Variants in PIK3C2B observed in about 807,000 individuals in gnomAD.
PIK3C2B encodes the protein phosphatidylinositol-4-phosphate 3-kinase catalytic subunit type 2 beta.
In PIK3C2B, 83 loss-of-function variants were observed where a neutral mutation model predicts 184.3. The ratio of observed to expected loss-of-function variants is 0.45; its 90% CI spans 0.38 to 0.54. The LOEUF (loss-of-function observed/expected upper bound fraction) is 0.54. Among genes scored for constraint, PIK3C2B ranks in the 20% least tolerant of loss-of-function variants. The pLI, the probability that PIK3C2B is intolerant of heterozygous loss-of-function variation, is 0.00. For synonymous variants in PIK3C2B, 779 were observed against 837.6 expected, an observed-to-expected ratio of 0.93 and a Z score of 1.21; for missense variants, 1,736 against 2,113.5, an observed-to-expected ratio of 0.82 and a Z score of 3.50.
chr1:204,489,147 T>TTTA (rs562004701), intron 1 of PIK3C2B, among the ~76,000 whole-genome samples: 6 of 151,910 alleles, frequency 3.9e-5, no homozygotes, highest in Non-Finnish European at 8.8e-5. Context: ...GTACAAGCTC[T>TTTA]TTATTATTAT....
chr1:204,449,366 A>G lies in PIK3C2B; in HGVS notation c.2235-70T>C, dbSNP rs1384875372. On this transcript the variant is annotated intron_variant, in intron 13 of 32. Transcript: ENST00000684373. ...AGAGAATATTTCTACTGCTCCCCCA[A>G]TCCAAAAATCTGCCTTTTCTGTTTG... The G allele has an allele frequency of 9.5e-6, 11 of 1,153,994 alleles. No homozygotes were observed. The East Asian group carries it at 2.0e-4, about 21-fold the overall frequency. 71.5% of individuals were successfully genotyped at this position (1,153,994 alleles called of 1,614,324 possible). A position where few individuals can be genotyped will look rare whatever the true frequency, so the allele number is the denominator to read the frequency against.
chr1:204,476,461 G>C (rs983141831), intron 1 of PIK3C2B, among the ~76,000 whole-genome samples: 1 of 152,182 alleles, frequency 6.6e-6, no homozygotes, highest in Non-Finnish European at 1.5e-5. Context: ...TGGATGGATC[G>C]TTTGGACCTG....
intron 6 of PIK3C2B, 42 bp from the exon 7 acceptor site, chr1:204,460,445 A>C (rs1326587707): frequency 6.4e-7 from 1 of 1,564,188 alleles, no homozygotes; most frequent in Admixed American, 1.7e-5. Flanking sequence ...CGGTGCCCTT[A>C]TCTCAGCTCA....
rs983321544 is a variant in PIK3C2B at position 204,482,118 on chromosome 1, G to C, written c.-84-12232C>G. Among the ~76,000 whole-genome samples the C allele has an allele frequency of 2.1e-4, 5 of 24,342 alleles. 1 individual carries two copies. Among genetic ancestry groups the C allele is most frequent in the South Asian group, 2.0e-3 (1 of 510 alleles). 16.0% of individuals were successfully genotyped at this position (24,342 alleles called of 152,430 possible). On this transcript the variant is annotated intron_variant, in intron 1 of 32. Transcript: ENST00000684373. ...ATGAGCCATGAAAAGACGGGGGGGG[G>C]GGGGGGGGTGCTCTCTAATGTTAGG...
In PIK3C2B at chr1:204,424,569, A is replaced by G. The variant is rs1447080044; in HGVS notation, c.*283T>C. ...CCCACCCCACACACTCCCCAAACCA[A>G]GCATTGCTCCCTTGACACAAGGTAA... On this transcript the variant is annotated 3_prime_UTR_variant, in exon 33 of 33. Transcript: ENST00000684373. The G allele has an allele frequency of 3.4e-6, 2 of 584,676 alleles. No individual in the cohort carries two copies. The highest frequency in any genetic ancestry group is 6.5e-6 in the Non-Finnish European group (2 of 306,606). The allele number at this position is 584,676 out of a possible 1,614,324, so 36.2% of individuals were successfully genotyped here.
At position 204,442,515 on chromosome 1, in the gene PIK3C2B, C is replaced by T. The variant is rs1000581974; in HGVS notation, c.3156+11G>A. On this transcript the variant is annotated intron_variant, in intron 20 of 32. Transcript: ENST00000684373. ...CCCACTCTGAGAGCCCCAAACCTAC[C>T]AGTCACTCACCCTGGGCACAATTCC... 1 of 1,535,016 alleles carries T rather than the reference C, an allele frequency of 6.5e-7. No homozygotes were observed. Among genetic ancestry groups the T allele is most frequent in the Non-Finnish European group, 8.8e-7 (1 of 1,131,694 alleles).
intron 1 of PIK3C2B, among the ~76,000 whole-genome samples, chr1:204,483,418 C>T (rs1169739291): frequency 6.6e-6 from 1 of 151,150 alleles, no homozygotes; most frequent in Non-Finnish European, 1.5e-5. Flanking sequence ...TCTTCAGAAG[C>T]CTTCCCTGGT....
intron 1 of PIK3C2B, among the ~76,000 whole-genome samples, chr1:204,471,707 T>C (rs1411277021): frequency 2.0e-5 from 3 of 152,018 alleles, no homozygotes; most frequent in Non-Finnish European, 2.9e-5. Flanking sequence ...TATTCTCACA[T>C]GATGGCTTCA....
At position 204,432,201 on chromosome 1, in the gene PIK3C2B, T is replaced by G; in HGVS notation, c.4154A>C (p.Tyr1385Ser). ...HEKIFHPNKG[Y>S]IYVVKVMREN... is the part of the protein sequence containing the mutation. ...GGTCAGATTGGAGAAAACACTTACA[T>G]AGCCTTTGTTGGGGTGGAAGATCTT... The change falls in exon 27 of 33, where the codon TAT becomes TCT. Residue 1385 changes from tyrosine (Y) to serine (S), a missense_variant and splice_region_variant. By Grantham distance (144) the Tyr-to-Ser change is moderately radical (BLOSUM62 -2). Around this residue, in one of 8 missense-constraint regions of PIK3C2B, gnomAD observed 200 missense variants for 199.1 expected, o/e 1.00. Transcript: ENST00000684373. 2 of 1,613,332 alleles carry G rather than the reference T, an allele frequency of 1.2e-6. No homozygotes were observed. Among genetic ancestry groups the G allele is most frequent in the Non-Finnish European group, 1.7e-6 (2 of 1,179,564 alleles).
intron 1 of PIK3C2B, among the ~76,000 whole-genome samples, chr1:204,484,942 G>A (rs923871433): frequency 6.6e-6 from 1 of 152,134 alleles, no homozygotes; most frequent in African/African-American, 2.4e-5. Flanking sequence ...AAGTCATATA[G>A]CTGGTCAGTG....
intron 1 of PIK3C2B, among the ~76,000 whole-genome samples, chr1:204,475,965 T>G (rs1250639471): frequency 6.6e-6 from 1 of 152,044 alleles, no homozygotes; most frequent in African/African-American, 2.4e-5. Flanking sequence ...CTCACTATGA[T>G]GCTGAGAGGT....
chr1:204,477,390 C>G (rs549714342), intron 1 of PIK3C2B, among the ~76,000 whole-genome samples: 1 of 152,166 alleles, frequency 6.6e-6, no homozygotes, highest in Non-Finnish European at 1.5e-5. Flanking sequence ...CAAAAAGCAC[C>G]AGTCAGCTGA....
chr1:204,463,571 A>T (rs1005647028), intron 5 of PIK3C2B, among the ~76,000 whole-genome samples: 1 of 152,114 alleles, frequency 6.6e-6, no homozygotes, highest in Non-Finnish European at 1.5e-5. Context: ...ATGGGGAGAG[A>T]CAGTAATTGT....
chr1:204,456,898 A>C (rs1051429131), intron 10 of PIK3C2B, 139 bp downstream of exon 10: 3 of 450,658 alleles, frequency 6.7e-6, no homozygotes, highest in South Asian at 5.3e-5. Context: ...ACACACACAC[A>C]CACACACACC....
At position 204,480,076 on chromosome 1, in the gene PIK3C2B, C is replaced by T. The variant is rs1411097952; in HGVS notation, c.-84-10190G>A. ...AAGGAGCAAGGAGGCAGTGTGGAGG[C>T]GTACTTCAAACGAGGGCCCAGCCCC... is the stretch of plus-strand genomic sequence containing the variant. On this transcript the variant is annotated intron_variant, in intron 1 of 32. Coordinates refer to ENST00000684373, the MANE Select transcript of PIK3C2B (RefSeq NM_001377334.1). 5.9e-5 allele frequency among the ~76,000 whole-genome samples: 9 copies of T among 152,220 alleles called. No homozygotes were observed. In the South Asian group the frequency reaches 1.2e-3, roughly 21 times the overall value.
chr1:204,462,660 T>C (rs1476913828), intron 5 of PIK3C2B, among the ~76,000 whole-genome samples: 1 of 152,200 alleles, frequency 6.6e-6, no homozygotes, highest in Non-Finnish European at 1.5e-5. Context: ...AAGGGTACCC[T>C]GGAGTTGTAC....
In PIK3C2B at chr1:204,425,484, A is replaced by AC. The variant is rs1314496445; in HGVS notation, c.4716+128dup. On this transcript the variant is annotated intron_variant, in intron 32 of 32. Coordinates refer to ENST00000684373, the MANE Select transcript of PIK3C2B (RefSeq NM_001377334.1). Reference sequence around the variant, plus strand: ...TGCAACATGAAAGCAGCTACAGGTAACACCTAAATCAGCAAGTACAGCCAT... The same window carrying AC: ...TGCAACATGAAAGCAGCTACAGGTAACCACCTAAATCAGCAAGTACAGCCAT... 4.1e-6 allele frequency: 4 copies of AC among 977,776 alleles called. No homozygotes were observed. The Admixed American group carries it at 7.8e-5, about 19-fold the overall frequency. The allele number at this position is 977,776 out of a possible 1,614,324, so 60.6% of individuals were successfully genotyped here. A position where few individuals can be genotyped will look rare whatever the true frequency, so the allele number is the denominator to read the frequency against.
chr1:204,460,554 C>G lies in PIK3C2B; in HGVS notation c.1418G>C (p.Arg473Pro), dbSNP rs938429018. The change falls in exon 6 of 33, where the codon CGG (arginine) becomes CCG (proline). Residue 473 changes from arginine to proline, a missense_variant. This residue lies in a region of PIK3C2B where 609 missense variants were observed against 699.2 expected (regional missense o/e 0.87). Coordinates refer to ENST00000684373, the MANE Select transcript of PIK3C2B (RefSeq NM_001377334.1). ...EQKVVRSDLA[R>P]TVNDDQSPST... ...CTCCACCACCCTCACACGAACCGTC[C>G]GGGCCAGGTCACTGCGCACAACCTT... 4 of 1,613,138 alleles carry G rather than the reference C, an allele frequency of 2.5e-6. No individual in the cohort carries two copies. Among genetic ancestry groups the G allele is most frequent in the Admixed American group, 1.7e-5 (1 of 60,022 alleles).
rs376162400 is a variant in PIK3C2B, at chr1:204,467,833, C to A, written c.933+1037G>T. On this transcript the variant is annotated intron_variant, in intron 2 of 32. Transcript: ENST00000684373. ...CTGGTGACAGAGTGAGACTCTGTCT[C>A]AAAAAAAAAAAAAAAAAGAAGGCAT... 1.3e-3 allele frequency among the ~76,000 whole-genome samples: 115 copies of A among 88,556 alleles called. 4 individuals carry two copies. The highest frequency in any genetic ancestry group is 1.6e-3 in the South Asian group (4 of 2,470). 58.1% of individuals were successfully genotyped at this position (88,556 alleles called of 152,430 possible).
Sources: gnomAD v4.1 joint callset for allele counts (sites outside exome capture counted in the v4.1 genomes callset) on GRCh38, gnomAD v4.1.1 for gene constraint, gnomAD v4.1.1 regional missense constraint, MANE v1.5 for transcripts, NCBI Gene and HGNC (gene_info 2026-07-23, HGNC 2026-07-21) for gene names.